Variants in CADM2 observed in about 807,000 individuals in gnomAD.
The protein encoded by CADM2 is cell adhesion molecule 2.
CADM2 carries 12 observed loss-of-function variants against 49.8 expected under a neutral mutation model. The ratio of observed to expected loss-of-function variants is 0.24; its 90% CI spans 0.15 to 0.39. The LOEUF (loss-of-function observed/expected upper bound fraction) is 0.39, where lower values mean the gene tolerates loss of function less well. Among genes scored for constraint, CADM2 ranks in the 10% least tolerant of loss-of-function variants. The pLI is 1.00. For synonymous variants in CADM2, 214 were observed against 175.4 expected (o/e 1.22, Z -1.74); for missense variants, 378 against 492.3 (o/e 0.77, Z 2.20).
intron 3 of CADM2, among the ~76,000 whole-genome samples, chr3:85,825,407 C>A (rs977004930): frequency 1.3e-5 from 2 of 152,170 alleles, no homozygotes; most frequent in Admixed American, 1.3e-4. Flanking sequence ...TCAAAACGTG[C>A]AGCCACTACC....
intron 1 of CADM2, among the ~76,000 whole-genome samples, chr3:85,293,873 T>C (rs1021657081): frequency 1.3e-5 from 2 of 151,202 alleles, no homozygotes; most frequent in Non-Finnish European, 1.5e-5. Flanking sequence ...CTTTGAAAAC[T>C]GGCACAAGAC....
chr3:86,052,932 G>A (rs998204912), intron 8 of CADM2, among the ~76,000 whole-genome samples: 1 of 151,990 alleles, frequency 6.6e-6, no homozygotes, highest in South Asian at 2.1e-4. Flanking sequence ...CATTATATCA[G>A]TGTCTAGATC....
chr3:85,269,960 G>A (rs1246299350), intron 1 of CADM2, among the ~76,000 whole-genome samples: 1 of 151,116 alleles, frequency 6.6e-6, no homozygotes, highest in African/African-American at 2.4e-5. Context: ...ATCGTTTACA[G>A]GCAAAATAAT....
intron 2 of CADM2, among the ~76,000 whole-genome samples, chr3:85,742,967 G>C (rs2068457153): frequency 6.6e-6 from 1 of 151,950 alleles, no homozygotes; most frequent in Non-Finnish European, 1.5e-5. Context: ...CTTTCTACTA[G>C]GTGATCACAT....
rs568731210 is a variant in CADM2, at chr3:84,982,636, T to C, written c.61+22968T>C. 6.1e-5 allele frequency among the ~76,000 whole-genome samples: 9 copies of C among 146,806 alleles called. No individual in the cohort carries two copies. In the South Asian group the frequency reaches 1.3e-3, roughly 21 times the overall value. ...AAAATAGATTATTTAGCATGAAAAG[T>C]ATATCAAGTACTAAAATATGAAATG... is the stretch of plus-strand genomic sequence containing the variant. On this transcript the variant is annotated intron_variant, in intron 1 of 9. Transcript: ENST00000383699.
chr3:85,701,041 C>T (rs759934887), intron 1 of CADM2, among the ~76,000 whole-genome samples: 1 of 151,214 alleles, frequency 6.6e-6, no homozygotes, highest in Non-Finnish European at 1.5e-5. Context: ...CTTAATTGTC[C>T]CATGGTTCTG....
intron 1 of CADM2, among the ~76,000 whole-genome samples, chr3:85,396,096 A>G (rs1018512503): frequency 9.3e-5 from 14 of 151,286 alleles, no homozygotes; most frequent in African/African-American, 3.1e-4. Flanking sequence ...GATTCTGAAG[A>G]AAGTCTAATG....
At chr3:85,889,645 T>C (rs890531375) in intron 5 of CADM2, among the ~76,000 whole-genome samples, 21 of 152,314 alleles carry the variant, frequency 1.4e-4, no homozygotes, top group African/African-American at 4.1e-4. Flanking sequence ...GAATTCTGTA[T>C]AAAATGATAT....
At chr3:85,474,845 T>C (rs1454362108) in intron 1 of CADM2, among the ~76,000 whole-genome samples, 6 of 151,874 alleles carry the variant, frequency 4.0e-5, no homozygotes, top group African/African-American at 7.2e-5. Context: ...AGCTTATATG[T>C]GCCATGGCTG....
chr3:85,387,027 C>G (rs1190172392), intron 1 of CADM2, among the ~76,000 whole-genome samples: 1 of 152,132 alleles, frequency 6.6e-6, no homozygotes, highest in East Asian at 1.9e-4. Context: ...CTGGCTCAGT[C>G]TGGGTTCCTA....
intron 6 of CADM2, among the ~76,000 whole-genome samples, chr3:85,932,538 A>G (rs1244367971): frequency 6.6e-6 from 1 of 152,168 alleles, no homozygotes; most frequent in East Asian, 1.9e-4. Context: ...TAAACATGTA[A>G]AGGCTACATA....
chr3:85,972,618 T>C (rs574345049), intron 8 of CADM2, among the ~76,000 whole-genome samples: 34 of 151,904 alleles, frequency 2.2e-4, no homozygotes, highest in African/African-American at 7.5e-4. Flanking sequence ...AAATCCATTC[T>C]GAATGCCATT....
intron 1 of CADM2, among the ~76,000 whole-genome samples, chr3:85,264,948 A>G (rs975792294): frequency 2.6e-5 from 4 of 151,984 alleles, no homozygotes; most frequent in Non-Finnish European, 5.9e-5. Flanking sequence ...ATAAATCCTG[A>G]CTTTGCTAAG....
Position 85,071,980 on chromosome 3 carries a change from A to G in CADM2, c.61+112312A>G, listed in dbSNP as rs1334501522. Among the ~76,000 whole-genome samples the G allele has an allele frequency of 3.3e-5, 5 of 150,772 alleles. No individual in the cohort carries two copies. In the South Asian group the frequency reaches 1.0e-3, roughly 31 times the overall value. ...TATAATAATAATATAATACAAATATATATATATGAAATGGTAAACTGTAAC... is the reference window on the plus strand; with the variant it reads ...TATAATAATAATATAATACAAATATGTATATATGAAATGGTAAACTGTAAC... On this transcript the variant is annotated intron_variant, in intron 1 of 9. Transcript: ENST00000383699.
At chr3:85,109,339 C>T (rs2038365400) in intron 1 of CADM2, among the ~76,000 whole-genome samples, 1 of 151,192 alleles carries the variant, frequency 6.6e-6, no homozygotes. Context: ...CATTAATATG[C>T]ATAAACATAA....
At chr3:85,715,508 G>C (rs1352611808) in intron 1 of CADM2, among the ~76,000 whole-genome samples, 2 of 151,942 alleles carry the variant, frequency 1.3e-5, no homozygotes, top group Admixed American at 6.6e-5. Flanking sequence ...TGAATTTTTT[G>C]TTTGTTTTTA....
At chr3:85,127,713 G>T (rs1354438457) in intron 1 of CADM2, among the ~76,000 whole-genome samples, 1 of 152,054 alleles carries the variant, frequency 6.6e-6, no homozygotes, top group South Asian at 2.1e-4. Context: ...TTTAGGACAG[G>T]TATCATCCTG....
At chr3:85,030,354 C>G (rs1334558190) in intron 1 of CADM2, among the ~76,000 whole-genome samples, 1 of 152,188 alleles carries the variant, frequency 6.6e-6, no homozygotes, top group Admixed American at 6.5e-5. Flanking sequence ...ACCTTCAATG[C>G]AACCTCAATG....
At chr3:85,616,216 A>C (rs1182713805) in intron 1 of CADM2, among the ~76,000 whole-genome samples, 1 of 151,420 alleles carries the variant, frequency 6.6e-6, no homozygotes, top group East Asian at 1.9e-4. Flanking sequence ...CTAGAATAAA[A>C]ACTGTTTACA....
Sources: allele counts gnomAD v4.1 joint callset (sites outside exome capture counted in the v4.1 genomes callset), GRCh38; gene constraint gnomAD v4.1.1; transcripts MANE v1.5; gene names NCBI Gene and HGNC (gene_info 2026-07-23, HGNC 2026-07-21).